Variants in TEC observed in about 807,000 individuals in gnomAD.
The protein encoded by TEC is tec protein tyrosine kinase.
Under a neutral mutation model 93.0 loss-of-function variants are expected in TEC, and 72 were observed. The ratio of observed to expected loss-of-function variants is 0.77; its 90% CI spans 0.64 to 0.94. The LOEUF (loss-of-function observed/expected upper bound fraction) is 0.94, where lower values mean the gene tolerates loss of function less well. Ranked by LOEUF, TEC falls within the 40% of genes least tolerant of loss-of-function variation. TEC has a pLI of 0.00. For synonymous variants in TEC, 249 were observed against 247.7 expected (o/e 1.01, Z -0.05); for missense variants, 630 against 757.9 (o/e 0.83, Z 1.98).
chr4:48,160,851 G>GGAAGGAAGGAAGGAAGGAAGGA (rs1720619366), intron 8 of TEC, among the ~76,000 whole-genome samples: 1 of 69,710 alleles, frequency 1.4e-5, no homozygotes, highest in African/African-American at 4.7e-5. Flanking sequence ...GAGAGGGAGG[G>GGAAGGAAGGAAGGAAGGAAGGA]AGGAAGGGAG....
intron 17 of TEC, among the ~76,000 whole-genome samples, chr4:48,137,960 G>A (rs1470202433): frequency 6.6e-6 from 1 of 152,094 alleles, no homozygotes; most frequent in Non-Finnish European, 1.5e-5. Context: ...TTCCTGCCCA[G>A]AATGTCTCTG....
At chr4:48,162,157 T>C (rs1254856837) in intron 8 of TEC, among the ~76,000 whole-genome samples, 1 of 152,168 alleles carries the variant, frequency 6.6e-6, no homozygotes, top group Middle Eastern at 3.2e-3. Context: ...GAAGACAGAA[T>C]AGGGTCTCTG....
At position 48,138,677 on chromosome 4, in the gene TEC, T is replaced by C. The variant is rs772496631; in HGVS notation, c.1800A>G (p.Arg600=). 1.9e-6 allele frequency: 3 copies of C among 1,606,446 alleles called. No individual in the cohort carries two copies. Among genetic ancestry groups the C allele is most frequent in the African/African-American group, 2.7e-5 (2 of 74,382 alleles). Residue 600 remains arginine (R), a synonymous_variant, in exon 17 of 18, where the codon AGA becomes AGG. Coordinates refer to ENST00000381501, the MANE Select transcript of TEC (RefSeq NM_003215.3). ...ASNYVYEVML[R]CWQEKPEGRP... is the part of the protein sequence containing the mutation. ...AAAAAATCTATACCTCCTGCCAACA[T>C]CTCAGCATCACCTCATACACATAGT...
intron 8 of TEC, among the ~76,000 whole-genome samples, chr4:48,161,302 G>A (rs1231010051): frequency 2.0e-5 from 3 of 151,760 alleles, no homozygotes; most frequent in Non-Finnish European, 4.4e-5. Flanking sequence ...TTTATCCTAA[G>A]CTTTTTCCAG....
intron 3 of TEC, among the ~76,000 whole-genome samples, chr4:48,172,434 AC>A (rs1721151935): frequency 7.8e-6 from 1 of 128,678 alleles, no homozygotes; most frequent in African/African-American, 2.8e-5. Context: ...AAAGGAATGT[AC>A]TTTTTTTTTT....
chr4:48,246,792 T>G (rs1474560734), intron 1 of TEC, among the ~76,000 whole-genome samples: 1 of 152,206 alleles, frequency 6.6e-6, no homozygotes, highest in Non-Finnish European at 1.5e-5. Context: ...ACTAAAATTG[T>G]AGAACTCTTA....
intron 2 of TEC, among the ~76,000 whole-genome samples, chr4:48,222,298 T>A (rs1239959469): frequency 1.3e-5 from 2 of 152,122 alleles, no homozygotes; most frequent in Admixed American, 1.3e-4. Context: ...AAAAATTGCA[T>A]CAAGTACTTC....
chr4:48,211,834 A>G (rs1722909922), intron 2 of TEC, among the ~76,000 whole-genome samples: 1 of 152,132 alleles, frequency 6.6e-6, no homozygotes, highest in Non-Finnish European at 1.5e-5. Flanking sequence ...ACAGTGGCTC[A>G]TGCCTGTAAT....
At chr4:48,223,252 C>T (rs1723324705) in intron 2 of TEC, among the ~76,000 whole-genome samples, 1 of 152,064 alleles carries the variant, frequency 6.6e-6, no homozygotes, top group Non-Finnish European at 1.5e-5. Context: ...TCTCTTCCAT[C>T]ACAAAGAAAA....
chr4:48,206,234 T>C (rs1279024901), intron 2 of TEC, among the ~76,000 whole-genome samples: 1 of 152,152 alleles, frequency 6.6e-6, no homozygotes, highest in Non-Finnish European at 1.5e-5. Flanking sequence ...GATGAAAAAG[T>C]TATGGAACTA....
At chr4:48,263,111 C>T (rs1181029624) in intron 1 of TEC, among the ~76,000 whole-genome samples, 1 of 152,118 alleles carries the variant, frequency 6.6e-6, no homozygotes. Flanking sequence ...TTGGGAAAGT[C>T]GTGATCATCC....
At chr4:48,187,991 T>C (rs1421014931) in intron 2 of TEC, among the ~76,000 whole-genome samples, 1 of 152,198 alleles carries the variant, frequency 6.6e-6, no homozygotes, top group African/African-American at 2.4e-5. Context: ...CACTTCCTTA[T>C]CTGCCATGCA....
chr4:48,151,815 G>A (rs1720180928), intron 9 of TEC, among the ~76,000 whole-genome samples: 2 of 152,166 alleles, frequency 1.3e-5, no homozygotes, highest in South Asian at 4.1e-4. Context: ...AAGGAGAGAT[G>A]GAGGCACAAG....
At chr4:48,233,807 A>G (rs35054615) in intron 1 of TEC, among the ~76,000 whole-genome samples, 22,951 of 149,672 alleles carry the variant, frequency 0.15, 1,980 homozygotes, top group Non-Finnish European at 0.2. Flanking sequence ...TAAAATTGAG[A>G]AACTCTCCCA....
At chr4:48,257,995 G>A (rs1724389408) in intron 1 of TEC, among the ~76,000 whole-genome samples, 1 of 152,194 alleles carries the variant, frequency 6.6e-6, no homozygotes, top group Admixed American at 6.5e-5. Flanking sequence ...TGTGCCAACA[G>A]CTAACACTAG....
At chr4:48,140,890 C>G (rs1719629273) in intron 15 of TEC, among the ~76,000 whole-genome samples, 1 of 152,060 alleles carries the variant, frequency 6.6e-6, no homozygotes, top group Admixed American at 6.5e-5. Flanking sequence ...ACTTGTAGGT[C>G]TTATTCTCTA....
chr4:48,245,033 G>A (rs754114799), intron 1 of TEC, among the ~76,000 whole-genome samples: 2 of 152,128 alleles, frequency 1.3e-5, no homozygotes, highest in Non-Finnish European at 1.5e-5. Flanking sequence ...AGTGGCTCAC[G>A]CCTGTAACCC....
chr4:48,235,535 A>G (rs1723761084), intron 1 of TEC, among the ~76,000 whole-genome samples: 1 of 152,206 alleles, frequency 6.6e-6, no homozygotes, highest in African/African-American at 2.4e-5. Context: ...ACAGCCTTCA[A>G]TCCCAAACTA....
intron 2 of TEC, among the ~76,000 whole-genome samples, chr4:48,222,755 T>C (rs1203730332): frequency 9.9e-5 from 15 of 152,130 alleles, no homozygotes; most frequent in African/African-American, 3.4e-4. Context: ...CTGGCTGTCA[T>C]GGTTCGCAGG....
Sources: gnomAD v4.1 joint callset for allele counts (sites outside exome capture counted in the v4.1 genomes callset) on GRCh38, gnomAD v4.1.1 for gene constraint, MANE v1.5 for transcripts, NCBI Gene and HGNC (gene_info 2026-07-23, HGNC 2026-07-21) for gene names.